The following SOS2 variants were observed in gnomAD, a reference collection of about 807,000 sequenced individuals.
SOS2 encodes SOS Ras/Rho guanine nucleotide exchange factor 2, also known as son of sevenless homolog 2.
Under a neutral mutation model 148.2 loss-of-function variants are expected in SOS2, and 65 were observed. The observed-to-expected ratio is 0.44, with a 90% CI of 0.36 to 0.54. The LOEUF (loss-of-function observed/expected upper bound fraction) is 0.54. Ranked by LOEUF, SOS2 falls within the 20% of genes least tolerant of loss-of-function variation. The pLI is 0.00. For synonymous variants in SOS2, 539 were observed against 537.1 expected (o/e 1.00, Z -0.05); for missense variants, 1,341 against 1,590.2 (o/e 0.84, Z 2.67).
At chr14:50,130,917 G>C (rs566631293) in intron 19 of SOS2, among the ~76,000 whole-genome samples, 155 bp from the exon 20 acceptor site, 1 of 152,218 alleles carries the variant, frequency 6.6e-6, no homozygotes, top group East Asian at 1.9e-4. Flanking sequence ...TATCATTCTA[G>C]TAGAATCTTC....
At chr14:50,198,526 T>C (rs1886385800) in intron 4 of SOS2, among the ~76,000 whole-genome samples, 2 of 152,166 alleles carry the variant, frequency 1.3e-5, no homozygotes, top group African/African-American at 2.4e-5. Flanking sequence ...ACACTGAGGT[T>C]TGGAGATCCA....
At chr14:50,133,235 C>CTTTTTTTTTTTT (rs1883951975) in intron 19 of SOS2, among the ~76,000 whole-genome samples, 1 of 122,640 alleles carries the variant, frequency 8.2e-6, no homozygotes, top group African/African-American at 3.0e-5. Flanking sequence ...AACTTTTTTT[C>CTTTTTTTTTTTT]TTTTTTCTTT....
At chr14:50,148,541 T>G (rs1164492126) in intron 14 of SOS2, among the ~76,000 whole-genome samples, 1 of 152,188 alleles carries the variant, frequency 6.6e-6, no homozygotes, top group Non-Finnish European at 1.5e-5. Context: ...ACAATTACAT[T>G]GTGAGAAAAA....
At chr14:50,188,936 C>T (rs1028570636) in intron 4 of SOS2, among the ~76,000 whole-genome samples, 2 of 151,720 alleles carry the variant, frequency 1.3e-5, no homozygotes, top group South Asian at 2.1e-4. Context: ...TCATGGTAGG[C>T]GCTTGTAATC....
Position 50,231,213 on chromosome 14 carries a change from A to G in SOS2, c.71T>C (p.Val24Ala). 1 of 1,496,244 alleles carries G rather than the reference A, an allele frequency of 6.7e-7. No individual in the cohort carries two copies. The highest frequency in any genetic ancestry group is 1.4e-5 in the African/African-American group (1 of 70,714). 92.7% of individuals were successfully genotyped at this position (1,496,244 alleles called of 1,614,324 possible). Residue 24 changes from valine (V) to alanine (A), a missense_variant, in exon 1 of 23, where the codon GTC becomes GCC. Coordinates refer to ENST00000216373, the MANE Select transcript of SOS2 (RefSeq NM_006939.4). ...ENSPKWRGLL[V>A]SALRKVQEQV... ...AGCACTGACCTTCCGCAGGGCCGAGACCAACAGTCCCCGCCATTTCGGACT... is the reference window on the plus strand; with the variant it reads ...AGCACTGACCTTCCGCAGGGCCGAGGCCAACAGTCCCCGCCATTTCGGACT...
intron 8 of SOS2, among the ~76,000 whole-genome samples, chr14:50,162,890 T>A (rs573827893): frequency 2.5e-4 from 35 of 140,000 alleles, no homozygotes; most frequent in African/African-American, 8.7e-4. Flanking sequence ...TGTGCTCCAA[T>A]GTTTTGATTT....
intron 7 of SOS2, among the ~76,000 whole-genome samples, chr14:50,176,146 G>A (rs1341555984): frequency 6.6e-6 from 1 of 152,210 alleles, no homozygotes; most frequent in Non-Finnish European, 1.5e-5. Flanking sequence ...GCTTGTTTGT[G>A]CTATCCATCA....
In SOS2 at chr14:50,149,982, G is replaced by C. The variant is rs200811714; in HGVS notation, c.2384+26C>G. ...AATGTTCAAGATTCTTAAAAATAAAGCAAGACATTAACATTAATTGTCTAC... is the reference window on the plus strand; with the variant it reads ...AATGTTCAAGATTCTTAAAAATAAACCAAGACATTAACATTAATTGTCTAC... On this transcript the variant is annotated intron_variant, in intron 14 of 22. Coordinates refer to ENST00000216373, the MANE Select transcript of SOS2 (RefSeq NM_006939.4). 3.8e-5 allele frequency: 55 copies of C among 1,439,972 alleles called. No individual in the cohort carries two copies. The East Asian group carries it at 1.2e-3, about 32-fold the overall frequency. The allele number at this position is 1,439,972 out of a possible 1,614,324, so 89.2% of individuals were successfully genotyped here.
chr14:50,211,384 G>C (rs964746104), intron 1 of SOS2, among the ~76,000 whole-genome samples: 1 of 152,004 alleles, frequency 6.6e-6, no homozygotes, highest in Non-Finnish European at 1.5e-5. Context: ...TTGTTACCTA[G>C]GTATATTGTG....
chr14:50,171,411 C>G (rs1384887738), intron 8 of SOS2, among the ~76,000 whole-genome samples: 1 of 151,806 alleles, frequency 6.6e-6, no homozygotes, highest in South Asian at 2.1e-4. Flanking sequence ...GTCAGCCAGG[C>G]GCGGTGGCTC....
chr14:50,135,091 AAGAAAG>A lies in SOS2; in HGVS notation c.2959-858_2959-853del, dbSNP rs1354193623. On this transcript the variant is annotated intron_variant, in intron 18 of 22. Transcript: ENST00000216373. ...TGTCTCAAAAAAAAAAAAAAAAAAAAAGAAAGAAAGAAAGAAAGAAAGAAAGAATGA... is the reference window on the plus strand; with the variant it reads ...TGTCTCAAAAAAAAAAAAAAAAAAAAAAAGAAAGAAAGAAAGAAAGAATGA... Among the ~76,000 whole-genome samples, 69 of 90,108 alleles carry A rather than the reference AAGAAAG, an allele frequency of 7.7e-4. No individual in the cohort carries two copies. The South Asian group carries it at 0.013, about 16-fold the overall frequency. 59.1% of individuals were successfully genotyped at this position (90,108 alleles called of 152,430 possible).
intron 2 of SOS2, among the ~76,000 whole-genome samples, chr14:50,202,857 T>C (rs1005164307): frequency 6.6e-6 from 1 of 152,088 alleles, no homozygotes; most frequent in Non-Finnish European, 1.5e-5. Flanking sequence ...GATTTTCCTT[T>C]ATACTGAAAG....
intron 1 of SOS2, among the ~76,000 whole-genome samples, chr14:50,226,168 C>T (rs1209376317): frequency 6.6e-6 from 1 of 152,132 alleles, no homozygotes; most frequent in African/African-American, 2.4e-5. Context: ...TGCAGCCAGG[C>T]GACGTAGCTT....
At position 50,203,281 on chromosome 14, in the gene SOS2, T is replaced by C. The variant is rs375813935; in HGVS notation, c.213+1003A>G. On this transcript the variant is annotated intron_variant, in intron 2 of 22. Coordinates refer to ENST00000216373, the MANE Select transcript of SOS2 (RefSeq NM_006939.4). ...TGCTTGGGAGGCTGAGGCAGGAGAA[T>C]AGCTTGAACCTGGGTAGCTGAGGTT... 6.6e-5 allele frequency among the ~76,000 whole-genome samples: 10 copies of C among 152,140 alleles called. No homozygotes were observed. The East Asian group carries it at 1.7e-3, about 26-fold the overall frequency.
At chr14:50,185,105 T>C (rs1310850016) in intron 5 of SOS2, among the ~76,000 whole-genome samples, 2 of 152,148 alleles carry the variant, frequency 1.3e-5, no homozygotes, top group African/African-American at 4.8e-5. Context: ...CTGTGAGCTG[T>C]TCGACCAAAT....
intron 1 of SOS2, among the ~76,000 whole-genome samples, chr14:50,223,445 C>CG (rs944689971): frequency 1.3e-4 from 20 of 152,106 alleles, no homozygotes; most frequent in African/African-American, 4.8e-4. Flanking sequence ...GAGGCCGGGG[C>CG]GGGCAGGTGA....
At chr14:50,167,381 A>G (rs1885202291) in intron 8 of SOS2, among the ~76,000 whole-genome samples, 1 of 150,626 alleles carries the variant, frequency 6.6e-6, no homozygotes, top group Non-Finnish European at 1.5e-5. Context: ...ATAAAAAAAC[A>G]AAAATTAGCT....
intron 1 of SOS2, among the ~76,000 whole-genome samples, chr14:50,220,254 A>T (rs544362944): frequency 3.3e-4 from 49 of 150,724 alleles, no homozygotes; most frequent in African/African-American, 1.2e-3. Flanking sequence ...CAAAAAAAAA[A>T]ACTTAGCTGG....
intron 13 of SOS2, 147 bp from the exon 14 acceptor site, chr14:50,150,377 G>A (rs1264803387): frequency 1.1e-5 from 7 of 631,242 alleles, no homozygotes; most frequent in East Asian, 2.7e-5. Flanking sequence ...ATGCCATCCC[G>A]TCACTTCCTA....
Sources: gnomAD v4.1 joint callset for allele counts (sites outside exome capture counted in the v4.1 genomes callset) on GRCh38, gnomAD v4.1.1 for gene constraint, MANE v1.5 for transcripts, NCBI Gene and HGNC (gene_info 2026-07-23, HGNC 2026-07-21) for gene names.